The following HYCC1 variants were observed in gnomAD, a reference collection of about 807,000 sequenced individuals.
HYCC1 encodes the protein hyccin PI4KA lipid kinase complex subunit 1, also known as hyccin.
chr7:22,918,070 G>C, the HYCC1 span, among the ~76,000 whole-genome samples: 1 of 152,094 alleles, frequency 6.6e-6, no homozygotes, highest in Admixed American at 6.5e-5. Context: ...TAAAAGAAGA[G>C]TGTTGTTTTT....
chr7:23,013,630 C>T, the HYCC1 span, among the ~76,000 whole-genome samples: 1 of 152,126 alleles, frequency 6.6e-6, no homozygotes, highest in Non-Finnish European at 1.5e-5. Flanking sequence ...AGACCCGAGT[C>T]GCGCGCACAA....
At chr7:22,980,241 TGTGTTCCTG>T in the HYCC1 span, among the ~76,000 whole-genome samples, 226 of 151,784 alleles carry the variant, frequency 1.5e-3, 3 homozygotes, top group Non-Finnish European at 1.8e-3. Flanking sequence ...TAGAACCTGC[TGTGTTCCTG>T]GTGTCTGGGT....
chr7:22,900,680 AAAAC>A, the HYCC1 span, among the ~76,000 whole-genome samples: 34 of 152,352 alleles, frequency 2.2e-4, 2 homozygotes, highest in South Asian at 6.8e-3. Context: ...AATTGTTTAA[AAAAC>A]AATAAGATGG....
chr7:22,987,374 C>A, the HYCC1 span, among the ~76,000 whole-genome samples: 5,799 of 152,134 alleles, frequency 0.038, 387 homozygotes, highest in African/African-American at 0.13. Context: ...ACGGCAAGAC[C>A]CCAGCTCTAA....
the HYCC1 span, among the ~76,000 whole-genome samples, chr7:22,980,444 C>G: frequency 6.6e-6 from 1 of 151,760 alleles, no homozygotes; most frequent in Non-Finnish European, 1.5e-5. Flanking sequence ...ATTTTGAGTT[C>G]TGAAACAACT....
chr7:22,944,879 T>C, the HYCC1 span: 1 of 152,404 alleles, frequency 6.6e-6, no homozygotes, highest in Non-Finnish European at 1.5e-5. Flanking sequence ...AGCAATCTGA[T>C]TTTTGATATA....
At chr7:22,917,951 C>T in the HYCC1 span, among the ~76,000 whole-genome samples, 1 of 152,170 alleles carries the variant, frequency 6.6e-6, no homozygotes, top group African/African-American at 2.4e-5. Context: ...CACTCCTAGC[C>T]ATTTCTAATC....
chr7:22,924,052 G>A, the HYCC1 span, among the ~76,000 whole-genome samples: 17 of 150,072 alleles, frequency 1.1e-4, no homozygotes, highest in Non-Finnish European at 2.5e-4. Context: ...GGTGGTGCAC[G>A]CCTGTAATCC....
At chr7:22,905,627 A>G in the HYCC1 span, among the ~76,000 whole-genome samples, 2 of 152,016 alleles carry the variant, frequency 1.3e-5, no homozygotes, top group Non-Finnish European at 2.9e-5. Context: ...AAGAAGGAAA[A>G]AAGTGCTATT....
At chr7:22,971,356 C>T in the HYCC1 span, among the ~76,000 whole-genome samples, 1 of 149,448 alleles carries the variant, frequency 6.7e-6, no homozygotes, top group Non-Finnish European at 1.5e-5. Context: ...ATCTCCAGAT[C>T]ATCAGGCTAG....
the HYCC1 span, among the ~76,000 whole-genome samples, chr7:22,914,664 A>G: frequency 8.1e-4 from 123 of 152,098 alleles, 1 homozygote; most frequent in South Asian, 1.9e-3. Flanking sequence ...TCTGCTCCCA[A>G]TGCAACTCGT....
the HYCC1 span, among the ~76,000 whole-genome samples, chr7:22,975,167 T>A: frequency 6.6e-6 from 1 of 151,832 alleles, no homozygotes. Context: ...ATATCTCTTA[T>A]TTACTTGAAT....
chr7:22,989,288 ACACACACACACAC>A, the HYCC1 span, among the ~76,000 whole-genome samples: 12 of 17,050 alleles, frequency 7.0e-4, no homozygotes, highest in African/African-American at 2.4e-3. Flanking sequence ...AGCAGGAAAC[ACACACACACACAC>A]ACACACACAC....
At chr7:22,920,573 GA>G in the HYCC1 span, among the ~76,000 whole-genome samples, 710 of 151,372 alleles carry the variant, frequency 4.7e-3, 6 homozygotes, top group African/African-American at 0.016. Flanking sequence ...AAACAAAACT[GA>G]AAAAAAATCA....
At chr7:22,943,818 T>C in the HYCC1 span, 2 of 152,618 alleles carry the variant, frequency 1.3e-5, no homozygotes, top group African/African-American at 2.4e-5. Context: ...CACTGCCCGA[T>C]TGCCTTACAG....
chr7:22,989,893 T>C, the HYCC1 span, among the ~76,000 whole-genome samples: 1 of 152,160 alleles, frequency 6.6e-6, no homozygotes, highest in African/African-American at 2.4e-5. Context: ...GTCATAACAA[T>C]CTCCTTCTTT....
chr7:22,936,576 GA>G, the HYCC1 span: 1 of 152,198 alleles, frequency 6.6e-6, no homozygotes, highest in African/African-American at 2.4e-5. Context: ...CCTATTTTAA[GA>G]AGTCCAATAT....
At chr7:23,005,233 C>T in the HYCC1 span, among the ~76,000 whole-genome samples, 779 of 152,102 alleles carry the variant, frequency 5.1e-3, 3 homozygotes, top group Non-Finnish European at 6.1e-3. Flanking sequence ...ACTCTGGAGT[C>T]CAAAAAACCC....
the HYCC1 span, among the ~76,000 whole-genome samples, chr7:22,989,150 T>C: frequency 3.3e-5 from 5 of 152,256 alleles, no homozygotes; most frequent in African/African-American, 1.2e-4. Context: ...CTTTTGCATA[T>C]TTTACTTCAT....
Sources: allele counts gnomAD v4.1 joint callset (sites outside exome capture counted in the v4.1 genomes callset), GRCh38; gene constraint gnomAD v4.1.1; transcripts MANE v1.5; gene names NCBI Gene and HGNC (gene_info 2026-07-23, HGNC 2026-07-21).